Variants in NRXN1 observed in about 807,000 individuals in gnomAD.
NRXN1 encodes neurexin-1.
A neutral mutation model predicts 150.9 loss-of-function variants in NRXN1; 39 were observed. That is an observed-to-expected ratio of 0.26 (90% CI 0.20 to 0.34). The LOEUF (loss-of-function observed/expected upper bound fraction) is 0.34, where lower values mean the gene tolerates loss of function less well. Among genes scored for constraint, NRXN1 ranks in the 10% least tolerant of loss-of-function variants. NRXN1 has a pLI of 1.00. For missense variants in NRXN1, 1,815 were observed against 1,949.9 expected, an observed-to-expected ratio of 0.93 and a Z score of 1.30; for synonymous variants, 924 against 757.0, an observed-to-expected ratio of 1.22 and a Z score of -3.62.
intron 5 of NRXN1, among the ~76,000 whole-genome samples, chr2:50,812,723 A>AGTGTGTGTGTGTGT (rs143701404): frequency 7.5e-5 from 11 of 146,004 alleles, no homozygotes; most frequent in Non-Finnish European, 1.4e-4. Flanking sequence ...AAATAATAAG[A>AGTGTGTGTGTGTGT]GTGTGTGTGT....
chr2:50,205,509 A>G (rs2062504378), intron 18 of NRXN1, among the ~76,000 whole-genome samples: 1 of 152,064 alleles, frequency 6.6e-6, no homozygotes, highest in Non-Finnish European at 1.5e-5. Flanking sequence ...TTCTTTCAAG[A>G]ATGCCAAGAA....
At chr2:50,503,309 A>G (rs1291071718) in intron 13 of NRXN1, among the ~76,000 whole-genome samples, 1 of 151,342 alleles carries the variant, frequency 6.6e-6, no homozygotes, top group African/African-American at 2.4e-5. Flanking sequence ...CTCCATCTCA[A>G]AAAAACAAAA....
chr2:50,658,767 T>C (rs1224458784), intron 5 of NRXN1, among the ~76,000 whole-genome samples: 1 of 151,974 alleles, frequency 6.6e-6, no homozygotes, highest in Non-Finnish European at 1.5e-5. Flanking sequence ...TTGGCTACAC[T>C]AGTAAAGGTG....
intron 2 of NRXN1, chr2:50,964,004 A>G (rs1436487204): frequency 2.3e-6 from 1 of 437,994 alleles, no homozygotes; most frequent in Non-Finnish European, 4.6e-6. Context: ...AAAATAGAGC[A>G]ACATGCTAAT....
At chr2:50,990,895 C>T (rs1297586142) in intron 2 of NRXN1, among the ~76,000 whole-genome samples, 2 of 152,016 alleles carry the variant, frequency 1.3e-5, no homozygotes, top group Non-Finnish European at 2.9e-5. Flanking sequence ...TAAGTAACAA[C>T]AGACAGAGCA....
At chr2:50,969,152 T>C (rs190473931) in intron 2 of NRXN1, among the ~76,000 whole-genome samples, 2 of 152,240 alleles carry the variant, frequency 1.3e-5, no homozygotes, top group East Asian at 1.9e-4. Context: ...CAGAGATACC[T>C]TGCCGGATGA....
chr2:50,859,591 T>C (rs1464201455), intron 5 of NRXN1, among the ~76,000 whole-genome samples: 1 of 150,662 alleles, frequency 6.6e-6, no homozygotes, highest in African/African-American at 2.4e-5. Flanking sequence ...TGTTTACAGG[T>C]TGGTTACAGG....
intron 17 of NRXN1, among the ~76,000 whole-genome samples, chr2:50,309,277 T>C (rs938212025): frequency 3.3e-5 from 5 of 152,222 alleles, no homozygotes; most frequent in Admixed American, 6.5e-5. Flanking sequence ...CAAACATCAA[T>C]GTCTTCAAAA....
chr2:50,624,939 A>T (rs1231556925), intron 5 of NRXN1: 1 of 151,974 alleles, frequency 6.6e-6, no homozygotes, highest in East Asian at 1.9e-4. Flanking sequence ...AAGCCATAAG[A>T]CCCCTTGACT....
chr2:50,523,059 C>T (rs2092840750), intron 12 of NRXN1, among the ~76,000 whole-genome samples: 2 of 152,026 alleles, frequency 1.3e-5, no homozygotes, highest in African/African-American at 4.8e-5. Flanking sequence ...ATTCTAAAGA[C>T]TCATTGCCAT....
At chr2:50,482,469 A>C (rs1403963068) in intron 15 of NRXN1, among the ~76,000 whole-genome samples, 2 of 152,114 alleles carry the variant, frequency 1.3e-5, no homozygotes, top group East Asian at 3.9e-4. Context: ...GACATTCCTT[A>C]CAGCAGACAA....
chr2:50,857,617 T>C (rs1010298069), intron 5 of NRXN1, among the ~76,000 whole-genome samples: 1 of 152,090 alleles, frequency 6.6e-6, no homozygotes, highest in Non-Finnish European at 1.5e-5. Context: ...CATTAATTTC[T>C]CTAGAGAGTG....
At chr2:50,298,533 T>A (rs2073850480) in intron 17 of NRXN1, among the ~76,000 whole-genome samples, 1 of 152,162 alleles carries the variant, frequency 6.6e-6, no homozygotes, top group Admixed American at 6.5e-5. Flanking sequence ...ACAGATTTTT[T>A]TTTTTTATAG....
At chr2:50,923,638 T>A (rs1574943259) in intron 3 of NRXN1, 1 of 156,860 alleles carries the variant, frequency 6.4e-6, no homozygotes, top group Admixed American at 6.5e-5. Context: ...TATTTTAAAT[T>A]CAGAAATAAA....
intron 5 of NRXN1, among the ~76,000 whole-genome samples, chr2:50,630,188 T>G (rs773788227): frequency 7.9e-5 from 12 of 151,562 alleles, no homozygotes; most frequent in Non-Finnish European, 1.3e-4. Context: ...AACTTTAAGA[T>G]TTTTTTGATA....
At chr2:50,243,661 T>G (rs1055313476) in intron 17 of NRXN1, among the ~76,000 whole-genome samples, 4 of 151,818 alleles carry the variant, frequency 2.6e-5, no homozygotes, top group African/African-American at 9.7e-5. Flanking sequence ...AATCAGACAC[T>G]GTCATACCTC....
chr2:50,109,395 A>G (rs557037035), intron 18 of NRXN1, among the ~76,000 whole-genome samples: 13 of 152,132 alleles, frequency 8.5e-5, no homozygotes, highest in East Asian at 3.9e-4. Context: ...TTAATTCATA[A>G]TGGTTCAATT....
intron 17 of NRXN1, among the ~76,000 whole-genome samples, chr2:50,302,329 T>A (rs1251087702): frequency 1.3e-5 from 2 of 152,200 alleles, no homozygotes; most frequent in African/African-American, 4.8e-5. Flanking sequence ...GTTTCATAAA[T>A]GCACCAAGAG....
chr2:50,650,636 C>T (rs1351871807), intron 5 of NRXN1, among the ~76,000 whole-genome samples: 1 of 151,974 alleles, frequency 6.6e-6, no homozygotes, highest in East Asian at 1.9e-4. Context: ...AGGTGCTTTT[C>T]CAAATGCCAG....
Sources: allele counts gnomAD v4.1 joint callset (sites outside exome capture counted in the v4.1 genomes callset), GRCh38; gene constraint gnomAD v4.1.1; transcripts MANE v1.5; gene names NCBI Gene and HGNC (gene_info 2026-07-23, HGNC 2026-07-21).